The following CFAP299 variants were observed in gnomAD, a reference collection of about 807,000 sequenced individuals.
The protein encoded by CFAP299 is cilia and flagella associated protein 299, also known as cilia- and flagella-associated protein 299.
Under a neutral mutation model 27.0 loss-of-function variants are expected in CFAP299, and 21 were observed. The observed-to-expected ratio is 0.78, with a 90% confidence interval of 0.55 to 1.12. The LOEUF (loss-of-function observed/expected upper bound fraction) is 1.12, where lower values mean the gene tolerates loss of function less well. Ranked by LOEUF, CFAP299 falls within the 50% of genes most tolerant of loss-of-function variation. CFAP299 has a pLI of 0.00. For missense variants in CFAP299, 310 were observed against 276.6 expected (o/e 1.12, Z -0.86); for synonymous variants, 104 against 98.1 (o/e 1.06, Z -0.36).
chr4:80,563,636 G>A (rs1010365345), intron 2 of CFAP299, among the ~76,000 whole-genome samples: 2 of 151,766 alleles, frequency 1.3e-5, no homozygotes, highest in Non-Finnish European at 1.5e-5. Context: ...GCATCATAAA[G>A]ACCTGGAAAA....
chr4:80,576,044 G>A (rs1735835792), intron 2 of CFAP299, among the ~76,000 whole-genome samples: 1 of 151,886 alleles, frequency 6.6e-6, no homozygotes, highest in African/African-American at 2.4e-5. Flanking sequence ...GTGGGGTAGG[G>A]GGATGGGGGA....
At chr4:80,613,815 A>G (rs1237444067) in intron 3 of CFAP299, among the ~76,000 whole-genome samples, 1 of 152,202 alleles carries the variant, frequency 6.6e-6, no homozygotes, top group Non-Finnish European at 1.5e-5. Flanking sequence ...GTATTTCACA[A>G]TTCATTTGTA....
At chr4:80,504,305 C>T (rs903385460) in intron 2 of CFAP299, among the ~76,000 whole-genome samples, 14 of 151,296 alleles carry the variant, frequency 9.3e-5, no homozygotes, top group Non-Finnish European at 1.8e-4. Context: ...GGTGCTCATA[C>T]CTATGGAAAG....
intron 2 of CFAP299, among the ~76,000 whole-genome samples, chr4:80,498,367 C>A (rs1050124631): frequency 2.6e-5 from 4 of 152,010 alleles, no homozygotes; most frequent in Admixed American, 6.6e-5. Context: ...GTCTAATATC[C>A]AGAATCTATA....
chr4:80,916,278 TATATATATATATATATA>T (rs1735754517), intron 4 of CFAP299, among the ~76,000 whole-genome samples: 1 of 119,234 alleles, frequency 8.4e-6, no homozygotes, highest in African/African-American at 3.7e-5. Flanking sequence ...TATATATATA[TATATATATATATATATA>T]TTTCAGGTAC....
At chr4:80,828,479 C>A (rs1730113312) in intron 3 of CFAP299, among the ~76,000 whole-genome samples, 1 of 152,026 alleles carries the variant, frequency 6.6e-6, no homozygotes, top group Admixed American at 6.6e-5. Context: ...GAATTGTAAT[C>A]CCCAATGCTG....
chr4:80,521,817 A>G (rs34063562), intron 2 of CFAP299, among the ~76,000 whole-genome samples: 3 of 151,996 alleles, frequency 2.0e-5, no homozygotes, highest in Non-Finnish European at 4.4e-5. Context: ...AGTTCAAATA[A>G]TATTCCATTG....
At chr4:80,460,802 T>C (rs996610959) in intron 2 of CFAP299, among the ~76,000 whole-genome samples, 3 of 152,152 alleles carry the variant, frequency 2.0e-5, no homozygotes, top group Admixed American at 6.6e-5. Flanking sequence ...TCTACCACCT[T>C]CAACTTGCCA....
At chr4:80,452,540 A>G (rs2110097931) in intron 2 of CFAP299, among the ~76,000 whole-genome samples, 2 of 152,310 alleles carry the variant, frequency 1.3e-5, no homozygotes, top group East Asian at 3.9e-4. Flanking sequence ...AAGACTTACA[A>G]AATAGTCTGA....
At position 80,472,695 on chromosome 4, in the gene CFAP299, T is replaced by C. The variant is rs145486592; in HGVS notation, c.242+109811T>C. Among the ~76,000 whole-genome samples the C allele has an allele frequency of 3.6e-4, 54 of 152,086 alleles. No individual in the cohort carries two copies. The East Asian group carries it at 8.0e-3, about 22-fold the overall frequency. ...ATAACCACTTATTAAAAGCATGCAG[T>C]TTATGTAGCATTTTCACTTATCACC... On this transcript the variant is annotated intron_variant, in intron 2 of 5. Coordinates refer to ENST00000358105, the MANE Select transcript of CFAP299 (RefSeq NM_152770.3).
the CFAP299 span, among the ~76,000 whole-genome samples, chr4:80,324,555 C>G: frequency 1.3e-5 from 2 of 152,222 alleles, no homozygotes; most frequent in South Asian, 4.2e-4. Flanking sequence ...CATTTTAAAG[C>G]TTTGGTCCTT....
intron 2 of CFAP299, among the ~76,000 whole-genome samples, chr4:80,486,060 G>A (rs1287735593): frequency 1.3e-5 from 2 of 152,120 alleles, no homozygotes; most frequent in East Asian, 3.9e-4. Context: ...CTCCCAAGTA[G>A]CTGGGTGTAC....
chr4:80,757,065 A>G (rs1361525957), intron 3 of CFAP299, among the ~76,000 whole-genome samples: 1 of 152,194 alleles, frequency 6.6e-6, no homozygotes, highest in Non-Finnish European at 1.5e-5. Flanking sequence ...AGAAAAATAA[A>G]TAAATAAAAG....
intron 2 of CFAP299, among the ~76,000 whole-genome samples, chr4:80,516,275 C>T (rs1732585385): frequency 6.6e-6 from 1 of 152,084 alleles, no homozygotes; most frequent in African/African-American, 2.4e-5. Context: ...CCCACCTCAA[C>T]CTCCAAAAGT....
At chr4:80,672,778 A>G (rs1428758811) in intron 3 of CFAP299, among the ~76,000 whole-genome samples, 2 of 152,096 alleles carry the variant, frequency 1.3e-5, no homozygotes, top group Non-Finnish European at 2.9e-5. Context: ...TAGATTTTCT[A>G]GTTTATTTGC....
intron 4 of CFAP299, among the ~76,000 whole-genome samples, chr4:80,930,370 T>C: frequency 6.6e-6 from 1 of 152,158 alleles, no homozygotes; most frequent in East Asian, 1.9e-4. Context: ...CGTAGCAAGT[T>C]AGTAGAAGCC....
intron 2 of CFAP299, among the ~76,000 whole-genome samples, chr4:80,448,929 C>T (rs1209759172): frequency 6.6e-6 from 1 of 152,060 alleles, no homozygotes; most frequent in East Asian, 1.9e-4. Context: ...AAATATATCC[C>T]AAGTGGCCAT....
At chr4:80,846,667 G>A (rs1020739923) in intron 3 of CFAP299, among the ~76,000 whole-genome samples, 1 of 152,118 alleles carries the variant, frequency 6.6e-6, no homozygotes, top group African/African-American at 2.4e-5. Flanking sequence ...CTGAGGAAGT[G>A]GTTTTAACCC....
chr4:80,509,471 G>T (rs1732192805), intron 2 of CFAP299, among the ~76,000 whole-genome samples: 1 of 152,058 alleles, frequency 6.6e-6, no homozygotes. Flanking sequence ...TGTGAATGTG[G>T]CATGTAGTCA....
Sources: gnomAD v4.1 joint callset for allele counts (sites outside exome capture counted in the v4.1 genomes callset) on GRCh38, gnomAD v4.1.1 for gene constraint, MANE v1.5 for transcripts, NCBI Gene and HGNC (gene_info 2026-07-23, HGNC 2026-07-21) for gene names.